The following LRFN5 variants were observed in gnomAD, a reference collection of about 807,000 sequenced individuals.
The protein encoded by LRFN5 is leucine rich repeat and fibronectin type III domain containing 5, also known as leucine-rich repeat and fibronectin type-III domain-containing protein 5.
In LRFN5, 24 loss-of-function variants were observed where a neutral mutation model predicts 45.6. The observed-to-expected ratio is 0.53, with a 90% CI of 0.38 to 0.74. The LOEUF (loss-of-function observed/expected upper bound fraction) is 0.74. Among genes scored for constraint, LRFN5 ranks in the 30% least tolerant of loss-of-function variants. The pLI, the probability that LRFN5 is intolerant of heterozygous loss-of-function variation, is 0.00. For missense variants in LRFN5, 776 were observed against 861.5 expected (o/e 0.90, Z 1.24); for synonymous variants, 340 against 313.8 (o/e 1.08, Z -0.88).
chr14:41,735,955 A>G (rs1010653675), intron 1 of LRFN5, among the ~76,000 whole-genome samples: 8 of 152,176 alleles, frequency 5.3e-5, no homozygotes, highest in Non-Finnish European at 1.2e-4. Flanking sequence ...TTATGGCTGC[A>G]TAGTATTCCA....
chr14:41,627,077 C>A (rs569286522), intron 1 of LRFN5, among the ~76,000 whole-genome samples: 156 of 152,224 alleles, frequency 1.0e-3, no homozygotes, highest in Non-Finnish European at 2.0e-3. Context: ...ATAGTTTTCA[C>A]ATTTAACTTT....
intron 1 of LRFN5, among the ~76,000 whole-genome samples, chr14:41,657,472 A>C (rs1331978053): frequency 6.6e-6 from 1 of 151,716 alleles, no homozygotes; most frequent in Non-Finnish European, 1.5e-5. Context: ...GAAGGACATC[A>C]GAAAGGCAAC....
chr14:41,649,675 A>G (rs1223920154), intron 1 of LRFN5, among the ~76,000 whole-genome samples: 1 of 152,126 alleles, frequency 6.6e-6, no homozygotes, highest in Non-Finnish European at 1.5e-5. Context: ...CCACATCCCC[A>G]AATGACACCT....
At position 41,843,911 on chromosome 14, in the gene LRFN5, T is replaced by A. The variant is rs1396755985; in HGVS notation, c.-20-42695T>A. On this transcript the variant is annotated intron_variant, in intron 2 of 5. Coordinates refer to ENST00000298119, the MANE Select transcript of LRFN5 (RefSeq NM_152447.5). Reference sequence around the variant, plus strand: ...GATATGGAAAGATATTTGCAACAACTGGCACTTAAAAATAAAATTTTAATG... The same window carrying A: ...GATATGGAAAGATATTTGCAACAACAGGCACTTAAAAATAAAATTTTAATG... 2.6e-5 allele frequency among the ~76,000 whole-genome samples: 4 copies of A among 152,266 alleles called. No homozygotes were observed. In the East Asian group the frequency reaches 5.8e-4, roughly 22 times the overall value.
chr14:41,833,531 T>C lies in LRFN5; in HGVS notation c.-20-53075T>C, dbSNP rs150415952. 1.4e-4 allele frequency among the ~76,000 whole-genome samples: 21 copies of C among 152,348 alleles called. No homozygotes were observed. In the East Asian group the frequency reaches 4.1e-3, roughly 29 times the overall value. Reference sequence around the variant, plus strand: ...CTTTCAAGGCAAAGTTACAACCAGGTACACTTCTCAAAGTCCTGCCTGCTG... The same window carrying C: ...CTTTCAAGGCAAAGTTACAACCAGGCACACTTCTCAAAGTCCTGCCTGCTG... On this transcript the variant is annotated intron_variant, in intron 2 of 5. Coordinates refer to ENST00000298119, the MANE Select transcript of LRFN5 (RefSeq NM_152447.5).
Position 41,679,555 on chromosome 14 carries a change from A to G in LRFN5, c.-197+70993A>G, listed in dbSNP as rs553341471. On this transcript the variant is annotated intron_variant, in intron 1 of 5. Coordinates refer to ENST00000298119, the MANE Select transcript of LRFN5 (RefSeq NM_152447.5). ...AAGGGAATGGCCCAGTACTGGCAAAATTCATCACCTGCTGACTAAAGAGCC... is the reference window on the plus strand; with the variant it reads ...AAGGGAATGGCCCAGTACTGGCAAAGTTCATCACCTGCTGACTAAAGAGCC... Among the ~76,000 whole-genome samples, 9 of 152,172 alleles carry G rather than the reference A, an allele frequency of 5.9e-5. No homozygotes were observed. The South Asian group carries it at 1.2e-3, about 21-fold the overall frequency.
rs539586415 is a variant in LRFN5 at position 41,891,662 on chromosome 14, G to A, written c.1798G>A (p.Ala600Thr). The change falls in exon 4 of 6, where the codon GCC (alanine) becomes ACC (threonine). Residue 600 changes from alanine to threonine, a missense_variant. Transcript: ENST00000298119. ...ACAAGCTGTGGGACACGAAGAGAAT[G>A]CCCAGTGTTGTAAAGCTACCAGTGA... The part of the protein sequence containing the change: ...SKQAVGHEEN[A>T]QCCKATSDNV... 6.2e-7 allele frequency: 1 copy of A among 1,614,178 alleles called. No homozygotes were observed. The highest frequency in any genetic ancestry group is 1.7e-5 in the Admixed American group (1 of 60,020).
intron 1 of LRFN5, among the ~76,000 whole-genome samples, chr14:41,751,190 A>G (rs1472074942): frequency 6.6e-6 from 1 of 152,140 alleles, no homozygotes; most frequent in Non-Finnish European, 1.5e-5. Context: ...ATTATAATTC[A>G]AGATGAGATT....
intron 1 of LRFN5, among the ~76,000 whole-genome samples, chr14:41,761,756 T>G (rs1885680038): frequency 6.6e-6 from 1 of 152,168 alleles, no homozygotes; most frequent in Non-Finnish European, 1.5e-5. Flanking sequence ...ATTTAAATTG[T>G]GAAGTCATTA....
chr14:41,609,834 C>T (rs887687505), intron 1 of LRFN5, among the ~76,000 whole-genome samples: 1 of 152,134 alleles, frequency 6.6e-6, no homozygotes, highest in African/African-American at 2.4e-5. Context: ...TTGCTAACGC[C>T]GTTTAGGAAG....
chr14:41,744,096 A>G (rs757268884), intron 1 of LRFN5, among the ~76,000 whole-genome samples: 1 of 152,176 alleles, frequency 6.6e-6, no homozygotes, highest in Non-Finnish European at 1.5e-5. Context: ...CCTCATGCCT[A>G]TAATCCTAGC....
chr14:41,849,172 T>A (rs1304558738), intron 2 of LRFN5, among the ~76,000 whole-genome samples: 1 of 151,984 alleles, frequency 6.6e-6, no homozygotes, highest in Non-Finnish European at 1.5e-5. Context: ...TTCCATTAGC[T>A]ATTACAAAAC....
At chr14:41,682,914 T>G (rs538721592) in intron 1 of LRFN5, among the ~76,000 whole-genome samples, 4 of 152,130 alleles carry the variant, frequency 2.6e-5, no homozygotes, top group Non-Finnish European at 5.9e-5. Context: ...ACTCAAACTA[T>G]TCCAAAGAAT....
chr14:41,627,626 G>A (rs1422811649), intron 1 of LRFN5, among the ~76,000 whole-genome samples: 2 of 152,052 alleles, frequency 1.3e-5, no homozygotes, highest in Non-Finnish European at 2.9e-5. Context: ...CTATATTTAT[G>A]TTTGTTATCC....
rs1167643974 is a variant in LRFN5 at position 41,886,803 on chromosome 14, G to T, written c.178G>T (p.Asp60Tyr). 1 of 1,613,910 alleles carries T rather than the reference G, an allele frequency of 6.2e-7. No homozygotes were observed. The highest frequency in any genetic ancestry group is 8.5e-7 in the Non-Finnish European group (1 of 1,179,992). The change falls in exon 3 of 6, where the codon GAC becomes TAC. Residue 60 changes from aspartate to tyrosine, a missense_variant. Coordinates refer to ENST00000298119, the MANE Select transcript of LRFN5 (RefSeq NM_152447.5). The stretch of plus-strand genomic sequence containing the variant: ...AAGAACTGTGGAACTGCGGTTGGCA[G>T]ACAATTTTGTTACAAATATTAAAAG... ...DRRTVELRLA[D>Y]NFVTNIKRKD...
intron 1 of LRFN5, among the ~76,000 whole-genome samples, chr14:41,671,920 G>A (rs759404727): frequency 2.0e-5 from 3 of 152,090 alleles, no homozygotes; most frequent in Non-Finnish European, 4.4e-5. Context: ...GCCCAGCCAT[G>A]AGATCAAATA....
intron 1 of LRFN5, among the ~76,000 whole-genome samples, chr14:41,688,976 T>A (rs1882246140): frequency 6.7e-6 from 1 of 148,890 alleles, no homozygotes; most frequent in Admixed American, 6.7e-5. Context: ...GTAGTTGGAG[T>A]CCCAGCTACT....
At chr14:41,772,213 G>C (rs72668828) in intron 2 of LRFN5, among the ~76,000 whole-genome samples, 9,371 of 152,184 alleles carry the variant, frequency 0.062, 437 homozygotes, top group Non-Finnish European at 0.087. Context: ...AGTCATTCGT[G>C]AGAAATCCAC....
chr14:41,723,728 G>A (rs560361636), intron 1 of LRFN5, among the ~76,000 whole-genome samples: 50 of 152,054 alleles, frequency 3.3e-4, no homozygotes, highest in Non-Finnish European at 6.5e-4. Flanking sequence ...ACCATGGAGA[G>A]CACAATTCTA....
Sources: gnomAD v4.1 joint callset for allele counts (sites outside exome capture counted in the v4.1 genomes callset) on GRCh38, gnomAD v4.1.1 for gene constraint, MANE v1.5 for transcripts, NCBI Gene and HGNC (gene_info 2026-07-23, HGNC 2026-07-21) for gene names.